Variants in RUBCNL observed in about 807,000 individuals in gnomAD.
RUBCNL encodes the protein rubicon like autophagy enhancer.
In RUBCNL, 62 loss-of-function variants were observed where a neutral mutation model predicts 69.5. The ratio of observed to expected loss-of-function variants is 0.89; its 90% confidence interval spans 0.73 to 1.10. RUBCNL has a LOEUF of 1.10. Ranked by LOEUF, RUBCNL falls within the 50% of genes least tolerant of loss-of-function variation. RUBCNL has a pLI of 0.00. For missense variants in RUBCNL, 768 were observed against 798.1 expected (o/e 0.96, Z 0.45); for synonymous variants, 291 against 303.6 (o/e 0.96, Z 0.43).
chr13:46,345,678 T>C (rs1325875674), intron 12 of RUBCNL, 78 bp from the exon 13 acceptor site: 1 of 1,413,316 alleles, frequency 7.1e-7, no homozygotes, highest in Non-Finnish European at 9.5e-7. Flanking sequence ...AGTTGTTTTC[T>C]CTTGGCACTC....
rs1276957266 is a variant in RUBCNL, at chr13:46,338,567, C to T, written c.*4818G>A. On this transcript the variant is annotated 3_prime_UTR_variant, in exon 15 of 15. Transcript: ENST00000429979. ...GGCTTTGGGTGCGCTTGCCCTTTGT[C>T]TCCTCACCAATGGGGATGTACGTAG... 6.6e-6 allele frequency among the ~76,000 whole-genome samples: 1 copy of T among 152,112 alleles called. No homozygotes were observed. Among genetic ancestry groups the T allele is most frequent in the African/African-American group, 2.4e-5 (1 of 41,398 alleles).
chr13:46,343,778 C>G (rs777064441), intron 14 of RUBCNL, among the ~76,000 whole-genome samples: 9 of 152,134 alleles, frequency 5.9e-5, no homozygotes, highest in Admixed American at 1.3e-4. Context: ...CAGGCGTTTC[C>G]CCAGCTGCCA....
chr13:46,355,485 A>T (rs997605959), intron 10 of RUBCNL, among the ~76,000 whole-genome samples: 6 of 152,132 alleles, frequency 3.9e-5, no homozygotes, highest in Middle Eastern at 3.4e-3. Context: ...TTTAGTAGAG[A>T]TGTGGTTTCA....
chr13:46,373,859 G>A (rs1023134216), intron 2 of RUBCNL, among the ~76,000 whole-genome samples: 1 of 152,198 alleles, frequency 6.6e-6, no homozygotes, highest in Non-Finnish European at 1.5e-5. Flanking sequence ...TTTGACATCT[G>A]TCCAGTGGGC....
At chr13:46,343,912 A>G (rs1043262813) in intron 14 of RUBCNL, among the ~76,000 whole-genome samples, 1 of 152,094 alleles carries the variant, frequency 6.6e-6, no homozygotes, top group Admixed American at 6.5e-5. Flanking sequence ...ATCACTATAT[A>G]GTGAGTAGGC....
intron 14 of RUBCNL, 147 bp downstream of exon 14, chr13:46,344,594 G>A (rs760505243): frequency 9.6e-6 from 6 of 626,796 alleles, no homozygotes; most frequent in Non-Finnish European, 1.7e-5. Flanking sequence ...CAGCATACAA[G>A]CACACACCAG....
intron 10 of RUBCNL, chr13:46,350,554 C>G (rs2048349264): frequency 2.0e-6 from 1 of 489,002 alleles, no homozygotes; most frequent in African/African-American, 1.9e-5. Flanking sequence ...GAGCTCTGCT[C>G]TTGTGGAACA....
At chr13:46,359,391 T>A in intron 9 of RUBCNL, 95 bp downstream of exon 9, 1 of 981,612 alleles carries the variant, frequency 1.0e-6, no homozygotes, top group East Asian at 2.9e-5. Flanking sequence ...TTCTTTAGCA[T>A]ATGTATTTTT....
chr13:46,352,384 C>T (rs550942762), intron 10 of RUBCNL, among the ~76,000 whole-genome samples: 4 of 152,172 alleles, frequency 2.6e-5, no homozygotes, highest in Non-Finnish European at 5.9e-5. Context: ...AAATACCATA[C>T]AGCATAACAG....
chr13:46,384,370 C>T (rs1420668840), intron 1 of RUBCNL, among the ~76,000 whole-genome samples: 5 of 152,002 alleles, frequency 3.3e-5, no homozygotes, highest in African/African-American at 7.2e-5. Flanking sequence ...AATAAAAGAA[C>T]GTAAAAAAGT....
chr13:46,349,361 C>T lies in RUBCNL; in HGVS notation c.1570-14G>A, dbSNP rs1395915636. ...CTCCTGAATTTCCTAATGGGAGAAACCAAACACGGGGAAAAGTTAAATGTA... is the reference window on the plus strand; with the variant it reads ...CTCCTGAATTTCCTAATGGGAGAAATCAAACACGGGGAAAAGTTAAATGTA... On this transcript the variant is annotated splice_polypyrimidine_tract_variant and intron_variant, in intron 11 of 14. Coordinates refer to ENST00000429979, the MANE Select transcript of RUBCNL (RefSeq NM_025113.5). 1.2e-6 allele frequency: 2 copies of T among 1,611,784 alleles called. No homozygotes were observed. The highest frequency in any genetic ancestry group is 2.7e-5 in the African/African-American group (2 of 74,834).
At chr13:46,346,127 G>A (rs2048240419) in intron 12 of RUBCNL, among the ~76,000 whole-genome samples, 1 of 152,138 alleles carries the variant, frequency 6.6e-6, no homozygotes, top group Non-Finnish European at 1.5e-5. Flanking sequence ...ATGGTCCCTA[G>A]GGCATTCAAA....
intron 9 of RUBCNL, among the ~76,000 whole-genome samples, chr13:46,357,213 G>A (rs908097042): frequency 6.6e-6 from 1 of 151,356 alleles, no homozygotes; most frequent in African/African-American, 2.4e-5. Flanking sequence ...GACACCTGTG[G>A]TCCCAGCTAC....
chr13:46,373,703 T>C (rs1372927947), intron 2 of RUBCNL, among the ~76,000 whole-genome samples: 1 of 152,206 alleles, frequency 6.6e-6, no homozygotes, highest in African/African-American at 2.4e-5. Context: ...GATAGAAGGG[T>C]GGCCTATGCC....
chr13:46,360,649 C>T (rs935192056), intron 8 of RUBCNL, among the ~76,000 whole-genome samples: 11 of 152,160 alleles, frequency 7.2e-5, no homozygotes, highest in African/African-American at 2.4e-4. Context: ...TCCTAAGTTC[C>T]CCTGGTAAAA....
At chr13:46,351,346 T>C (rs2048364473) in intron 10 of RUBCNL, among the ~76,000 whole-genome samples, 2 of 152,246 alleles carry the variant, frequency 1.3e-5, no homozygotes, top group African/African-American at 4.8e-5. Context: ...CAGCCTGTCA[T>C]AAATTTAGAA....
At chr13:46,347,954 C>T (rs1487887947) in intron 12 of RUBCNL, among the ~76,000 whole-genome samples, 4 of 151,926 alleles carry the variant, frequency 2.6e-5, no homozygotes, top group Non-Finnish European at 5.9e-5. Context: ...GATCGCGCCA[C>T]TGCACTCCAG....
chr13:46,355,891 G>A (rs947138856), intron 10 of RUBCNL, among the ~76,000 whole-genome samples: 2 of 151,942 alleles, frequency 1.3e-5, no homozygotes, highest in Non-Finnish European at 2.9e-5. Context: ...ACTGTGCTAA[G>A]AATACAAAAT....
At chr13:46,359,657 G>C in intron 8 of RUBCNL, 26 bp from the exon 9 acceptor site, 1 of 1,520,918 alleles carries the variant, frequency 6.6e-7, no homozygotes, top group South Asian at 1.3e-5. Context: ...AATGATTTAG[G>C]AACAACTTAA....
Sources: allele counts gnomAD v4.1 joint callset (sites outside exome capture counted in the v4.1 genomes callset), GRCh38; gene constraint gnomAD v4.1.1; transcripts MANE v1.5; gene names NCBI Gene and HGNC (gene_info 2026-07-23, HGNC 2026-07-21).